PPFIA3: variants seen among roughly 807,000 people sequenced by gnomAD.
The protein encoded by PPFIA3 is PPFI scaffold protein A3, also known as liprin-alpha-3.
In PPFIA3, 26 loss-of-function variants were observed where a neutral mutation model predicts 145.8. That is an observed-to-expected ratio of 0.18 (90% CI 0.13 to 0.25). The LOEUF is 0.25. Ranked by LOEUF, PPFIA3 falls within the 10% of genes least tolerant of loss-of-function variation. The probability of loss-of-function intolerance (pLI) is 1.00; values close to 1 mark genes in which losing one functional copy is unlikely to be tolerated. For missense variants in PPFIA3, 1,008 were observed against 1,587.8 expected, an observed-to-expected ratio of 0.63 and a Z score of 6.21; for synonymous variants, 645 against 661.4, an observed-to-expected ratio of 0.98 and a Z score of 0.38.
In PPFIA3 at chr19:49,120,846, G is replaced by A. The variant is rs985215126; in HGVS notation, c.-16+1124G>A. On this transcript the variant is annotated intron_variant, in intron 1 of 29. Transcript: ENST00000334186. The surrounding 1 kb of genome is among the most constrained non-coding windows in gnomAD (Gnocchi z 4.6). ...CCACCAGCTTTTACTGAGGCTGTCT[G>A]CCTCAACCCTCTCTCCAAACAAGAC... Among the ~76,000 whole-genome samples the A allele has an allele frequency of 2.0e-5, 3 of 152,110 alleles. No homozygotes were observed. Among genetic ancestry groups the A allele is most frequent in the Non-Finnish European group, 4.4e-5 (3 of 68,018 alleles).
At chr19:49,132,509 C>T (rs1171045891) in intron 7 of PPFIA3, among the ~76,000 whole-genome samples, 1 of 151,188 alleles carries the variant, frequency 6.6e-6, no homozygotes, top group Non-Finnish European at 1.5e-5. Context: ...ACGTGGGCTA[C>T]CAGATGAGGG....
chr19:49,146,442 G>A, intron 23 of PPFIA3: 1 of 584,534 alleles, frequency 1.7e-6, no homozygotes, highest in Non-Finnish European at 3.0e-6. Context: ...ATCGTGGGTT[G>A]TGGGGGCTCT....
Position 49,130,678 on chromosome 19 carries a change from G to C in PPFIA3, c.879+79G>C. The stretch of plus-strand genomic sequence containing the variant: ...TCTCCCTCGCGCATTGCTCATGAAT[G>C]GCGGAACCTCGATTCAGTCCACAGG... On this transcript the variant is annotated intron_variant, in intron 7 of 29. Coordinates refer to ENST00000334186, the MANE Select transcript of PPFIA3 (RefSeq NM_003660.4). This position sits in a 1 kb window ranked among gnomAD's most constrained non-coding sequence, Gnocchi z 4.5. 1 of 1,251,666 alleles carries C rather than the reference G, an allele frequency of 8.0e-7. No homozygotes were observed. The highest frequency in any genetic ancestry group is 1.1e-6 in the Non-Finnish European group (1 of 908,182). 77.5% of individuals were successfully genotyped at this position (1,251,666 alleles called of 1,614,324 possible). A position where few individuals can be genotyped will look rare whatever the true frequency, so the allele number is the denominator to read the frequency against.
At chr19:49,127,667 C>T (rs760827621) in intron 1 of PPFIA3, among the ~76,000 whole-genome samples, 192 bp from the exon 2 acceptor site, 19 of 152,092 alleles carry the variant, frequency 1.2e-4, no homozygotes, top group Admixed American at 2.6e-4. Context: ...TTTGGTTTCC[C>T]CGGTGGAGTG....
rs1168414260 is a variant in PPFIA3, at chr19:49,149,358, C to T, written c.3354+33C>T. 1 of 1,611,628 alleles carries T rather than the reference C, an allele frequency of 6.2e-7. No individual in the cohort carries two copies. Among genetic ancestry groups the T allele is most frequent in the South Asian group, 1.1e-5 (1 of 91,024 alleles). ...CGGCAACAGCTCAGAGGGCTCTGCTCCCAGCGGCTCCTCGAGAGGCTGAGC... is the reference window on the plus strand; with the variant it reads ...CGGCAACAGCTCAGAGGGCTCTGCTTCCAGCGGCTCCTCGAGAGGCTGAGC... On this transcript the variant is annotated intron_variant, in intron 27 of 29. Transcript: ENST00000334186. This position sits in a 1 kb window ranked among gnomAD's most constrained non-coding sequence, Gnocchi z 5.7.
At position 49,149,858 on chromosome 19, in the gene PPFIA3, C is replaced by G; in HGVS notation, c.3526+140C>G. 3 of 1,201,692 alleles carry G rather than the reference C, an allele frequency of 2.5e-6. No individual in the cohort carries two copies. Among genetic ancestry groups the G allele is most frequent in the Non-Finnish European group, 3.4e-6 (3 of 876,768 alleles). 74.4% of individuals were successfully genotyped at this position (1,201,692 alleles called of 1,614,324 possible). A position where few individuals can be genotyped will look rare whatever the true frequency, so the allele number is the denominator to read the frequency against. ...ATGGACTGCTCCAACGTTCCGGACT[C>G]CCCCGTCAGGATGAAATGGATAAAT... On this transcript the variant is annotated intron_variant, in intron 28 of 29. Transcript: ENST00000334186. This position sits in a 1 kb window ranked among gnomAD's most constrained non-coding sequence, Gnocchi z 5.7.
rs765446863 is a variant in PPFIA3 at position 49,127,903 on chromosome 19, C to A, written c.30C>A (p.Ser10Arg). 3.1e-6 allele frequency: 5 copies of A among 1,592,908 alleles called. No individual in the cohort carries two copies. Among genetic ancestry groups the A allele is most frequent in the Non-Finnish European group, 1.7e-6 (2 of 1,177,592 alleles). MMCEVMPTI[S>R]EDGRRGSALG... ...TGTGCGAGGTGATGCCCACCATCAG[C>A]GAGGATGGCCGGCGGGGCTCGGCGC... Residue 10 changes from serine (S) to arginine (R), a missense_variant, in exon 2 of 30, where the codon AGC becomes AGA. Transcript: ENST00000334186.
At chr19:49,146,648 G>C (rs963154011) in intron 23 of PPFIA3, among the ~76,000 whole-genome samples, 1 of 152,172 alleles carries the variant, frequency 6.6e-6, no homozygotes, top group Non-Finnish European at 1.5e-5. Flanking sequence ...AACAAGAGGC[G>C]GCCGGGCGCA....
In PPFIA3 at chr19:49,129,406, G is replaced by A. The variant is rs545005724; in HGVS notation, c.534G>A (p.Leu178=). 9 of 1,551,410 alleles carry A rather than the reference G, an allele frequency of 5.8e-6. No homozygotes were observed. In the South Asian group the frequency reaches 8.3e-5, roughly 14 times the overall value. Residue 178 remains leucine, a synonymous_variant, in exon 5 of 30, where the codon CTG becomes CTA. Coordinates refer to ENST00000334186, the MANE Select transcript of PPFIA3 (RefSeq NM_003660.4). The part of the protein sequence containing the change: ...EKVRERLRMA[L]ERVAVLEEEL... Reference sequence around the variant, plus strand: ...TCCGGGAGCGGCTGCGGATGGCGCTGGAGCGCGTGGCAGTGCTCGAGGAGG... The same window carrying A: ...TCCGGGAGCGGCTGCGGATGGCGCTAGAGCGCGTGGCAGTGCTCGAGGAGG...
Position 49,149,221 on chromosome 19 carries a change from C to A in PPFIA3, c.3286-36C>A, listed in dbSNP as rs1396378122. On this transcript the variant is annotated intron_variant, in intron 26 of 29. Coordinates refer to ENST00000334186, the MANE Select transcript of PPFIA3 (RefSeq NM_003660.4). The surrounding 1 kb of genome is among the most constrained non-coding windows in gnomAD (Gnocchi z 5.7). ...CTGGGCGTCCCCACCTCGCAGACTG[C>A]ACGCTCCAACCGCCCCCTCCACCTC... The A allele has an allele frequency of 1.9e-6, 3 of 1,614,018 alleles. No individual in the cohort carries two copies. Among genetic ancestry groups the A allele is most frequent in the Non-Finnish European group, 2.5e-6 (3 of 1,179,936 alleles).
In PPFIA3 at chr19:49,120,930, G is replaced by T. The variant is rs757163394; in HGVS notation, c.-16+1208G>T. Among the ~76,000 whole-genome samples, 4 of 152,104 alleles carry T rather than the reference G, an allele frequency of 2.6e-5. No individual in the cohort carries two copies. The highest frequency in any genetic ancestry group is 4.8e-5 in the African/African-American group (2 of 41,408). On this transcript the variant is annotated intron_variant, in intron 1 of 29. Transcript: ENST00000334186. This position sits in a 1 kb window ranked among gnomAD's most constrained non-coding sequence, Gnocchi z 4.6. ...ACCTCCACAAGGATTCAGGAGTCCA[G>T]GCTCCCAGCTCTGTCCACTGCCCTC... is the stretch of plus-strand genomic sequence containing the variant.
At chr19:49,126,560 CTTTT>C (rs762895281) in intron 1 of PPFIA3, among the ~76,000 whole-genome samples, 1 of 118,814 alleles carries the variant, frequency 8.4e-6, no homozygotes, top group African/African-American at 3.3e-5. Flanking sequence ...CCTGGCCTTG[CTTTT>C]TTTTTTTTTT....
At chr19:49,121,775 T>C (rs1054611605) in intron 1 of PPFIA3, among the ~76,000 whole-genome samples, 1 of 151,890 alleles carries the variant, frequency 6.6e-6, no homozygotes, top group Non-Finnish European at 1.5e-5. Flanking sequence ...AAACTCTGTC[T>C]CAAAAAAAAA....
chr19:49,121,188 TCCA>T (rs2040932798), intron 1 of PPFIA3, among the ~76,000 whole-genome samples: 1 of 152,112 alleles, frequency 6.6e-6, no homozygotes, highest in Non-Finnish European at 1.5e-5. Context: ...GTTCCCCTTC[TCCA>T]AGTACACTCT....
At chr19:49,135,006 C>T in intron 13 of PPFIA3, 91 bp downstream of exon 13, 1 of 1,091,410 alleles carries the variant, frequency 9.2e-7, no homozygotes, top group Non-Finnish European at 1.3e-6. Flanking sequence ...TCCTGTCCTC[C>T]TGAGACTTCT....
In PPFIA3 at chr19:49,133,360, G is replaced by T; in HGVS notation, c.1150G>T (p.Ala384Ser). The T allele has an allele frequency of 6.2e-7, 1 of 1,605,286 alleles. No homozygotes were observed. Among genetic ancestry groups the T allele is most frequent in the Non-Finnish European group, 8.5e-7 (1 of 1,176,266 alleles). ...GGCGCAGCTGGCGCAGCGCGTGGCG[G>T]CGCTCAACAAGGTGCGGGGAGGACT... ...IEAQLAQRVA[A>S]LNKAEERHGN... Residue 384 changes from alanine (A) to serine (S), a missense_variant, in exon 9 of 30, where the codon GCG becomes TCG. Physicochemically the swap from Ala to Ser is moderately conservative, Grantham distance 99. Coordinates refer to ENST00000334186, the MANE Select transcript of PPFIA3 (RefSeq NM_003660.4). The surrounding 1 kb of genome is among the most constrained non-coding windows in gnomAD (Gnocchi z 7.2).
Position 49,138,500 on chromosome 19 carries a change from A to T in PPFIA3, c.2076+73A>T, listed in dbSNP as rs931765996. Reference sequence around the variant, plus strand: ...TCAGAGGCAGGGCTCCCCAGTGTACAGCAACAATAACCCCTCACACCAGTG... The same window carrying T: ...TCAGAGGCAGGGCTCCCCAGTGTACTGCAACAATAACCCCTCACACCAGTG... On this transcript the variant is annotated intron_variant, in intron 16 of 29. Transcript: ENST00000334186. 4.6e-6 allele frequency: 6 copies of T among 1,294,240 alleles called. No individual in the cohort carries two copies. In the Admixed American group the frequency reaches 1.5e-4, roughly 33 times the overall value. The allele number at this position is 1,294,240 out of a possible 1,614,324, so 80.2% of individuals were successfully genotyped here. A position where few individuals can be genotyped will look rare whatever the true frequency, so the allele number is the denominator to read the frequency against.
In PPFIA3 at chr19:49,128,881, A is replaced by C; in HGVS notation, c.376A>C (p.Arg126=). 1 of 1,611,570 alleles carries C rather than the reference A, an allele frequency of 6.2e-7. No individual in the cohort carries two copies. The highest frequency in any genetic ancestry group is 1.3e-5 in the African/African-American group (1 of 74,840). The change falls in exon 4 of 30, where the codon AGG becomes CGG. Residue 126 remains arginine, a synonymous_variant. Coordinates refer to ENST00000334186, the MANE Select transcript of PPFIA3 (RefSeq NM_003660.4). The surrounding 1 kb of genome is among the most constrained non-coding windows in gnomAD (Gnocchi z 4.1). ...GGAACACCTGGAGTGCCTGGTGTCC[A>C]GGCACGAGAGGTCACTGCGCATGAC... is the stretch of plus-strand genomic sequence containing the variant. ...LLEHLECLVS[R]HERSLRMTVV...
At position 49,122,911 on chromosome 19, in the gene PPFIA3, C is replaced by T. The variant is rs749683520; in HGVS notation, c.-16+3189C>T. Among the ~76,000 whole-genome samples, 6 of 149,376 alleles carry T rather than the reference C, an allele frequency of 4.0e-5. No individual in the cohort carries two copies. The South Asian group carries it at 1.3e-3, about 32-fold the overall frequency. ...TAATATTTTGTATTTTTGGTAGAGA[C>T]GGGGTATCACCGTGTTAGCCAGGAT... is the stretch of plus-strand genomic sequence containing the variant. On this transcript the variant is annotated intron_variant, in intron 1 of 29. Coordinates refer to ENST00000334186, the MANE Select transcript of PPFIA3 (RefSeq NM_003660.4).
Sources: allele counts gnomAD v4.1 joint callset (sites outside exome capture counted in the v4.1 genomes callset), GRCh38; gene constraint gnomAD v4.1.1; non-coding constraint Gnocchi (gnomAD v3.1); transcripts MANE v1.5; gene names NCBI Gene and HGNC (gene_info 2026-07-23, HGNC 2026-07-21).